Variants in PCDH10 observed in about 807,000 individuals in gnomAD.
PCDH10 encodes the protein protocadherin 10, also known as protocadherin-10.
PCDH10 carries 15 observed loss-of-function variants against 74.4 expected under a neutral mutation model. That is an observed-to-expected ratio of 0.20 (90% CI 0.13 to 0.31). The LOEUF is 0.31. Among genes scored for constraint, PCDH10 ranks in the 10% least tolerant of loss-of-function variants. The probability of loss-of-function intolerance (pLI) is 1.00; values close to 1 mark genes in which losing one functional copy is unlikely to be tolerated. For missense variants in PCDH10, 1,260 were observed against 1,390.2 expected (o/e 0.91, Z 1.49); for synonymous variants, 619 against 589.8 (o/e 1.05, Z -0.72).
intron 3 of PCDH10, among the ~76,000 whole-genome samples, chr4:133,159,679 T>A (rs1005611908): frequency 7.2e-5 from 11 of 151,952 alleles, no homozygotes; most frequent in African/African-American, 2.7e-4. Flanking sequence ...TATTTAATTG[T>A]TTTTTTAATT....
At chr4:133,182,743 G>A (rs949505116) in intron 4 of PCDH10, among the ~76,000 whole-genome samples, 2 of 151,962 alleles carry the variant, frequency 1.3e-5, no homozygotes, top group Non-Finnish European at 2.9e-5. Context: ...ATACTAATTG[G>A]GCAATGGTGT....
Position 133,191,660 on chromosome 4 carries a change from A to T in PCDH10, c.*1500A>T, listed in dbSNP as rs1468938469. 6.6e-6 allele frequency: 1 copy of T among 151,918 alleles called. No homozygotes were observed. Among genetic ancestry groups the T allele is most frequent in the African/African-American group, 2.4e-5 (1 of 41,412 alleles). 9.4% of individuals were successfully genotyped at this position (151,918 alleles called of 1,614,324 possible). A position where few individuals can be genotyped will look rare whatever the true frequency, so the allele number is the denominator to read the frequency against. On this transcript the variant is annotated 3_prime_UTR_variant, in exon 5 of 5. Transcript: ENST00000264360. Reference sequence around the variant, plus strand: ...CGAGAGAGGAAAAAAATCAGAGAATATAAGATAATCTTTCAAGCAAAAAAC... The same window carrying T: ...CGAGAGAGGAAAAAAATCAGAGAATTTAAGATAATCTTTCAAGCAAAAAAC...
chr4:133,208,390 G>A (rs1381821559), exon 3 of PCDH10: 1 of 152,198 alleles, frequency 6.6e-6, no homozygotes, highest in Non-Finnish European at 1.5e-5. Context: ...CCTATTGTCT[G>A]ATACAGTAAT....
chr4:133,153,084 G>A (rs1726777888), intron 1 of PCDH10: 2 of 1,339,246 alleles, frequency 1.5e-6, no homozygotes, highest in African/African-American at 1.5e-5. Context: ...AAGGGAAACT[G>A]CGTGAAGGGA....
In PCDH10 at chr4:133,151,457, C is replaced by A. The variant is rs1389667368; in HGVS notation, c.1317C>A (p.Gly439=). ...YTLTVVARDR[G]EPALSTSKSI... ...TGACTGTAGTGGCTCGGGACCGGGG[C>A]GAGCCTGCGCTCTCCACCAGTAAGT... Residue 439 remains glycine (G), a synonymous_variant, in exon 1 of 5, where the codon GGC becomes GGA. Coordinates refer to ENST00000264360, the MANE Select transcript of PCDH10 (RefSeq NM_032961.3). 9.3e-6 allele frequency: 15 copies of A among 1,613,300 alleles called. No homozygotes were observed. Among genetic ancestry groups the A allele is most frequent in the Non-Finnish European group, 1.2e-5 (14 of 1,179,942 alleles).
intron 4 of PCDH10, among the ~76,000 whole-genome samples, chr4:133,172,236 T>G (rs1435829353): frequency 6.6e-6 from 1 of 152,000 alleles, no homozygotes; most frequent in African/African-American, 2.4e-5. Flanking sequence ...ACACTTTGCT[T>G]GTAAAAGATA....
At position 133,169,211 on chromosome 4, in the gene PCDH10, A is replaced by G. The variant is rs1015433186; in HGVS notation, c.3103+5929A>G. Among the ~76,000 whole-genome samples, 3 of 151,726 alleles carry G rather than the reference A, an allele frequency of 2.0e-5. No individual in the cohort carries two copies. The East Asian group carries it at 5.8e-4, about 29-fold the overall frequency. On this transcript the variant is annotated intron_variant, in intron 4 of 4. Transcript: ENST00000264360. ...GCTCTCATCTTTCATCTTTTTATAA[A>G]GCTAATAGTTTTATATTTTCCTCTA...
rs1560716555 is a variant in PCDH10, at chr4:133,191,998, T to TACGC, written c.*1839_*1840insCGCA. ...ACACACACACACACACACACACACT[T>TACGC]AGGTCCTGATATGTACATTTAGAGT... On this transcript the variant is annotated 3_prime_UTR_variant, in exon 5 of 5. Coordinates refer to ENST00000264360, the MANE Select transcript of PCDH10 (RefSeq NM_032961.3). 7.5e-6 allele frequency: 1 copy of TACGC among 133,138 alleles called. No homozygotes were observed. The highest frequency in any genetic ancestry group is 1.6e-5 in the Non-Finnish European group (1 of 61,544). 8.2% of individuals were successfully genotyped at this position (133,138 alleles called of 1,614,324 possible). A position where few individuals can be genotyped will look rare whatever the true frequency, so the allele number is the denominator to read the frequency against.
In PCDH10 at chr4:133,190,574, CAA is replaced by C. The variant is rs1161006306; in HGVS notation, c.*415_*416del. ...CTGTTTTATATTATTTTTGTGTGAT[CAA>C]GTGTTCCGCAAGCTATTCCAACTTT... On this transcript the variant is annotated 3_prime_UTR_variant, in exon 5 of 5. Coordinates refer to ENST00000264360, the MANE Select transcript of PCDH10 (RefSeq NM_032961.3). The C allele has an allele frequency of 6.2e-6, 1 of 161,482 alleles. No homozygotes were observed. The highest frequency in any genetic ancestry group is 1.3e-5 in the Non-Finnish European group (1 of 74,124). 10.0% of individuals were successfully genotyped at this position (161,482 alleles called of 1,614,324 possible). A position where few individuals can be genotyped will look rare whatever the true frequency, so the allele number is the denominator to read the frequency against.
At chr4:133,168,898 T>C (rs1241775351) in intron 4 of PCDH10, among the ~76,000 whole-genome samples, 6 of 151,794 alleles carry the variant, frequency 4.0e-5, no homozygotes, top group Admixed American at 3.3e-4. Flanking sequence ...TAATTAGTTA[T>C]ACTCTTTTTT....
chr4:133,204,987 C>T (rs771950166), intron 2 of PCDH10, among the ~76,000 whole-genome samples: 3 of 152,138 alleles, frequency 2.0e-5, no homozygotes, highest in Non-Finnish European at 4.4e-5. Flanking sequence ...ACCCTGGTTC[C>T]AAGGGGATGA....
intron 4 of PCDH10, among the ~76,000 whole-genome samples, chr4:133,180,655 G>A (rs1372200569): frequency 1.3e-5 from 2 of 151,838 alleles, no homozygotes. Flanking sequence ...AAGAAAGATT[G>A]ATTAATTAAA....
chr4:133,151,733 C>G lies in PCDH10; in HGVS notation c.1593C>G (p.Phe531Leu), dbSNP rs765802021. 1 of 1,613,192 alleles carries G rather than the reference C, an allele frequency of 6.2e-7. No individual in the cohort carries two copies. Among genetic ancestry groups the G allele is most frequent in the Non-Finnish European group, 8.5e-7 (1 of 1,180,056 alleles). The change falls in exon 1 of 5, where the codon TTC becomes TTG. Residue 531 changes from phenylalanine (F) to leucine (L), a missense_variant. This residue lies in a region of PCDH10 where 587 missense variants were observed against 616.9 expected (regional missense o/e 0.95). Transcript: ENST00000264360. ...GCTACTTGTACGCCCTGCGCTCCTT[C>G]GACTATGAGCAGCTGAAGGACTTCA... Reference protein sequence around the residue: ...ENGYLYALRSFDYEQLKDFSF... With the variant: ...ENGYLYALRSLDYEQLKDFSF...
chr4:133,188,612 A>G (rs1415185893), intron 4 of PCDH10, among the ~76,000 whole-genome samples: 1 of 148,880 alleles, frequency 6.7e-6, no homozygotes, highest in Non-Finnish European at 1.5e-5. Flanking sequence ...CAATACATGT[A>G]GATACTTATT....
chr4:133,152,059 C>T lies in PCDH10; in HGVS notation c.1919C>T (p.Thr640Ile), dbSNP rs1397001383. Residue 640 changes from threonine (T) to isoleucine (I), a missense_variant, in exon 1 of 5, where the codon ACA (threonine) becomes ATA (isoleucine). By Grantham distance (89) the Thr-to-Ile change is moderately conservative. Around this residue, in one of 11 missense-constraint regions of PCDH10, gnomAD observed 587 missense variants for 616.9 expected, o/e 0.95. Transcript: ENST00000264360. ...RMDWRTGELR[T>I]ARRVPAKRDP... Reference sequence around the variant, plus strand: ...GACTGGCGCACCGGGGAGCTGCGCACAGCACGCCGAGTCCCGGCCAAGCGC... The same window carrying T: ...GACTGGCGCACCGGGGAGCTGCGCATAGCACGCCGAGTCCCGGCCAAGCGC... The T allele has an allele frequency of 4.4e-6, 7 of 1,607,774 alleles. No homozygotes were observed. In the Admixed American group the frequency reaches 5.1e-5, roughly 12 times the overall value.
In PCDH10 at chr4:133,154,935, C is replaced by T. The variant is rs1287787958; in HGVS notation, c.2709C>T (p.Ala903=). Residue 903 remains alanine (A), a synonymous_variant, in exon 3 of 5, where the codon GCC becomes GCT. Transcript: ENST00000264360. The part of the protein sequence containing the change: ...RRVNSSAFQE[A]DIVSSKDSGH... ...CTTCTAGTTCTGCATTCCAGGAAGC[C>T]GACATAGTAAGCTCTAAGGACAGTG... is the stretch of plus-strand genomic sequence containing the variant. The T allele has an allele frequency of 1.5e-5, 24 of 1,611,260 alleles. No homozygotes were observed. The highest frequency in any genetic ancestry group is 1.2e-4 in the African/African-American group (9 of 74,810).
At chr4:133,202,080 G>C (rs1727919180) in intron 2 of PCDH10, among the ~76,000 whole-genome samples, 1 of 152,074 alleles carries the variant, frequency 6.6e-6, no homozygotes, top group Non-Finnish European at 1.5e-5. Context: ...TTTGTGATAA[G>C]TAGATTGCTA....
chr4:133,196,606 T>G (rs1458101670), downstream of PCDH10, among the ~76,000 whole-genome samples: 1 of 152,198 alleles, frequency 6.6e-6, no homozygotes, highest in East Asian at 1.9e-4. Context: ...TGTGGCTAAT[T>G]TGTTAGTCCT....
intron 3 of PCDH10, among the ~76,000 whole-genome samples, chr4:133,160,819 T>C (rs2125862321): frequency 6.6e-6 from 1 of 152,006 alleles, no homozygotes; most frequent in East Asian, 1.9e-4. Flanking sequence ...CTATTCAAAT[T>C]GAGTATATTT....
Sources: allele counts gnomAD v4.1 joint callset (sites outside exome capture counted in the v4.1 genomes callset), GRCh38; gene constraint gnomAD v4.1.1; regional missense constraint gnomAD v4.1.1; transcripts MANE v1.5; gene names NCBI Gene and HGNC (gene_info 2026-07-23, HGNC 2026-07-21).